GPATCH2L: variants seen among roughly 807,000 people sequenced by gnomAD.
The protein encoded by GPATCH2L is G-patch domain containing 2 like, also known as G patch domain-containing protein 2-like.
GPATCH2L carries 31 observed loss-of-function variants against 57.4 expected under a neutral mutation model. The observed-to-expected ratio is 0.54, with a 90% CI of 0.41 to 0.73. The LOEUF (loss-of-function observed/expected upper bound fraction) is 0.73. Ranked by LOEUF, GPATCH2L falls within the 30% of genes least tolerant of loss-of-function variation. The probability of loss-of-function intolerance (pLI) is 0.00; values close to 1 mark genes in which losing one functional copy is unlikely to be tolerated. For missense variants in GPATCH2L, 481 were observed against 599.9 expected (o/e 0.80, Z 2.07); for synonymous variants, 199 against 210.7 (o/e 0.94, Z 0.48).
intron 8 of GPATCH2L, among the ~76,000 whole-genome samples, chr14:76,192,448 C>G (rs2040010720): frequency 6.6e-6 from 1 of 152,142 alleles, no homozygotes; most frequent in Non-Finnish European, 1.5e-5. Flanking sequence ...TATGAAATAG[C>G]TCTCCAACCT....
intron 2 of GPATCH2L, among the ~76,000 whole-genome samples, chr14:76,162,188 C>T (rs117448270): frequency 2.0e-5 from 3 of 152,322 alleles, no homozygotes; most frequent in South Asian, 4.1e-4. Context: ...TCTCAAGGCT[C>T]GACTAGGGCT....
At chr14:76,220,517 C>A (rs2040509695) in intron 1 of GPATCH2L, among the ~76,000 whole-genome samples, 1 of 151,980 alleles carries the variant, frequency 6.6e-6, no homozygotes, top group Non-Finnish European at 1.5e-5. Flanking sequence ...AAATTACAGA[C>A]CTAGAAGTAC....
chr14:76,209,156 T>A lies in GPATCH2L; in HGVS notation c.*7305T>A, dbSNP rs1013827933. 1 of 152,528 alleles carries A rather than the reference T, an allele frequency of 6.6e-6. No homozygotes were observed. Among genetic ancestry groups the A allele is most frequent in the Non-Finnish European group, 1.5e-5 (1 of 68,288 alleles). 9.4% of individuals were successfully genotyped at this position (152,528 alleles called of 1,614,324 possible). A position where few individuals can be genotyped will look rare whatever the true frequency, so the allele number is the denominator to read the frequency against. ...AATGCTCCCTTTCCTGACCCTACTT[T>A]CCTGATTTTTCTGCCACTTCTTTGC... is the stretch of plus-strand genomic sequence containing the variant. On this transcript the variant is annotated 3_prime_UTR_variant, in exon 10 of 10. Coordinates refer to ENST00000261530, the MANE Select transcript of GPATCH2L (RefSeq NM_017926.4).
At chr14:76,227,923 T>G (rs2040542826) in intron 1 of GPATCH2L, among the ~76,000 whole-genome samples, 1 of 152,194 alleles carries the variant, frequency 6.6e-6, no homozygotes, top group African/African-American at 2.4e-5. Flanking sequence ...GCTCAGTCCC[T>G]GATTCCTGTC....
intron 2 of GPATCH2L, chr14:76,234,493 CTG>C (rs2040588900): frequency 6.6e-6 from 1 of 152,258 alleles, no homozygotes; most frequent in Admixed American, 6.5e-5. Context: ...CACTCTCTCT[CTG>C]TCCCTCTCCC....
At chr14:76,176,519 T>TAAC (rs2039335375) in intron 5 of GPATCH2L, 104 bp from the exon 6 acceptor site, 2 of 773,688 alleles carry the variant, frequency 2.6e-6, no homozygotes, top group African/African-American at 3.4e-5. Flanking sequence ...ACATGTGCCT[T>TAAC]TTGAGGTTGC....
At chr14:76,214,564 G>A (rs143850688), downstream of GPATCH2L, among the ~76,000 whole-genome samples, 87 of 152,260 alleles carry the variant, frequency 5.7e-4, no homozygotes, top group East Asian at 0.015. Context: ...TTCATAGATG[G>A]CACCTTCTAA....
At chr14:76,168,838 A>T (rs1432582315) in intron 3 of GPATCH2L, among the ~76,000 whole-genome samples, 1 of 152,222 alleles carries the variant, frequency 6.6e-6, no homozygotes, top group Non-Finnish European at 1.5e-5. Context: ...GGAAATGCTA[A>T]TGCAGTCTAC....
chr14:76,213,788 C>G lies in GPATCH2L; in HGVS notation c.*11937C>G, dbSNP rs1260118890. The G allele has an allele frequency of 6.6e-6, 1 of 152,088 alleles. No homozygotes were observed. Among genetic ancestry groups the G allele is most frequent in the Non-Finnish European group, 1.5e-5 (1 of 68,002 alleles). 9.4% of individuals were successfully genotyped at this position (152,088 alleles called of 1,614,324 possible). ...CTTCTTCTAATGTTAACTTACATACCAATGGTACAATTATTGAAACTAGGA... is the reference window on the plus strand; with the variant it reads ...CTTCTTCTAATGTTAACTTACATACGAATGGTACAATTATTGAAACTAGGA... On this transcript the variant is annotated 3_prime_UTR_variant, in exon 10 of 10. Coordinates refer to ENST00000261530, the MANE Select transcript of GPATCH2L (RefSeq NM_017926.4).
At chr14:76,177,088 C>T (rs536020852) in intron 6 of GPATCH2L, among the ~76,000 whole-genome samples, 1 of 152,252 alleles carries the variant, frequency 6.6e-6, no homozygotes, top group African/African-American at 2.4e-5. Flanking sequence ...CTCTGACGCC[C>T]AGGCTGGAGT....
intron 1 of GPATCH2L, among the ~76,000 whole-genome samples, chr14:76,225,456 T>C (rs1348451465): frequency 6.6e-6 from 1 of 151,306 alleles, no homozygotes; most frequent in East Asian, 1.9e-4. Flanking sequence ...AAAAACCAAG[T>C]CCATATAGAT....
intron 2 of GPATCH2L, among the ~76,000 whole-genome samples, chr14:76,232,374 A>G (rs1473144995): frequency 3.3e-5 from 5 of 151,968 alleles, no homozygotes; most frequent in Non-Finnish European, 7.4e-5. Context: ...ATCTCGGCTC[A>G]CTGCAACCTC....
chr14:76,215,763 T>G, downstream of GPATCH2L, among the ~76,000 whole-genome samples: 1 of 79,002 alleles, frequency 1.3e-5, no homozygotes, highest in East Asian at 4.1e-4. Flanking sequence ...CTGGGGACTG[T>G]GGTGGGGTGG....
At chr14:76,182,302 A>G (rs1318974475) in intron 8 of GPATCH2L, among the ~76,000 whole-genome samples, 3 of 138,834 alleles carry the variant, frequency 2.2e-5, no homozygotes, top group Non-Finnish European at 4.6e-5. Flanking sequence ...GCTTGCAGTG[A>G]GCTGAGATCG....
Position 76,155,378 on chromosome 14 carries a change from G to GGT in GPATCH2L, c.662+365_662+366dup, listed in dbSNP as rs1047347658. On this transcript the variant is annotated intron_variant, in intron 2 of 9. Coordinates refer to ENST00000261530, the MANE Select transcript of GPATCH2L (RefSeq NM_017926.4). ...TAGAACTCAGGTCTCAGCAGAGGCTGGTGTGTGTGTGTGAGAGAGAATATG... is the reference window on the plus strand; with the variant it reads ...TAGAACTCAGGTCTCAGCAGAGGCTGGTGTGTGTGTGTGTGAGAGAGAATATG... 2.4e-4 allele frequency among the ~76,000 whole-genome samples: 37 copies of GGT among 152,140 alleles called. No homozygotes were observed. In the Middle Eastern group the frequency reaches 0.014, roughly 56 times the overall value.
intron 2 of GPATCH2L, among the ~76,000 whole-genome samples, chr14:76,165,663 A>G (rs1375336070): frequency 6.6e-6 from 1 of 152,116 alleles, no homozygotes; most frequent in Non-Finnish European, 1.5e-5. Context: ...TTCAGAGACA[A>G]GCTTGAGTGA....
chr14:76,162,191 C>T (rs1436206072), intron 2 of GPATCH2L, among the ~76,000 whole-genome samples: 2 of 152,166 alleles, frequency 1.3e-5, no homozygotes, highest in East Asian at 3.8e-4. Flanking sequence ...CAAGGCTCGA[C>T]TAGGGCTGAA....
intron 9 of GPATCH2L, 76 bp from the exon 10 acceptor site, chr14:76,201,615 A>C: frequency 2.2e-5 from 25 of 1,114,578 alleles, no homozygotes; most frequent in South Asian, 6.0e-5. Flanking sequence ...TTTTCTAAGT[A>C]TCTCTCATTC....
intron 1 of GPATCH2L, among the ~76,000 whole-genome samples, chr14:76,226,482 T>G (rs2040536901): frequency 6.6e-6 from 1 of 152,186 alleles, no homozygotes. Flanking sequence ...CTGTGGAAAC[T>G]GTGGTCATGT....
Sources: gnomAD v4.1 joint callset for allele counts (sites outside exome capture counted in the v4.1 genomes callset) on GRCh38, gnomAD v4.1.1 for gene constraint, MANE v1.5 for transcripts, NCBI Gene and HGNC (gene_info 2026-07-23, HGNC 2026-07-21) for gene names.